CPNE3: variants seen among roughly 807,000 people sequenced by gnomAD.
CPNE3 encodes the protein copine 3.
A neutral mutation model predicts 63.9 loss-of-function variants in CPNE3; 68 were observed. That is an observed-to-expected ratio of 1.06 (90% CI 0.87 to 1.30). The LOEUF (loss-of-function observed/expected upper bound fraction) is 1.30. Among genes scored for constraint, CPNE3 ranks in the 50% most tolerant of loss-of-function variants. The pLI, the probability that CPNE3 is intolerant of heterozygous loss-of-function variation, is 0.00. For synonymous variants in CPNE3, 219 were observed against 197.5 expected (o/e 1.11, Z -0.91); for missense variants, 665 against 578.1 (o/e 1.15, Z -1.54).
chr8:86,555,033 C>T (rs767052599), intron 15 of CPNE3, 49 bp downstream of exon 15: 1 of 1,606,596 alleles, frequency 6.2e-7, no homozygotes, highest in East Asian at 2.2e-5. Flanking sequence ...TTGGTAGCAG[C>T]TCCTGGTGCC....
At chr8:86,535,141 C>T (rs563617383) in intron 6 of CPNE3, among the ~76,000 whole-genome samples, 1 of 152,102 alleles carries the variant, frequency 6.6e-6, no homozygotes, top group East Asian at 1.9e-4. Context: ...TTTAATAAGC[C>T]ATGTCCCAAG....
intron 12 of CPNE3, among the ~76,000 whole-genome samples, chr8:86,549,867 T>A (rs925114373): frequency 6.6e-6 from 1 of 152,172 alleles, no homozygotes; most frequent in African/African-American, 2.4e-5. Context: ...GGCAAATCAC[T>A]TCTACTCACA....
intron 12 of CPNE3, among the ~76,000 whole-genome samples, chr8:86,550,845 T>C (rs944197481): frequency 2.0e-5 from 3 of 152,186 alleles, no homozygotes; most frequent in Non-Finnish European, 2.9e-5. Flanking sequence ...AGAAACATTT[T>C]TCTTCCTCAG....
chr8:86,532,870 G>C (rs79109641), intron 6 of CPNE3, among the ~76,000 whole-genome samples: 2 of 151,934 alleles, frequency 1.3e-5, no homozygotes, highest in Non-Finnish European at 2.9e-5. Flanking sequence ...ATTATCTTTA[G>C]GAAAAAAGTG....
chr8:86,558,541 C>G lies in CPNE3; in HGVS notation c.*131C>G. On this transcript the variant is annotated 3_prime_UTR_variant, in exon 17 of 17. Coordinates refer to ENST00000517490, the MANE Select transcript of CPNE3 (RefSeq NM_003909.5). ...AAATCTCTTTCTCTATGGATTATAT[C>G]TGTTTAAAGCATTCTTTCTAGGTTA... 1.4e-6 allele frequency: 1 copy of G among 705,080 alleles called. No individual in the cohort carries two copies. The highest frequency in any genetic ancestry group is 1.8e-5 in the South Asian group (1 of 55,890). 43.7% of individuals were successfully genotyped at this position (705,080 alleles called of 1,614,324 possible). A position where few individuals can be genotyped will look rare whatever the true frequency, so the allele number is the denominator to read the frequency against.
chr8:86,529,529 A>G (rs1820623497), intron 4 of CPNE3, among the ~76,000 whole-genome samples: 1 of 152,044 alleles, frequency 6.6e-6, no homozygotes, highest in Non-Finnish European at 1.5e-5. Flanking sequence ...CATCCCCTTT[A>G]CCTGGCTTGC....
At chr8:86,544,529 C>A (rs1227817534) in intron 8 of CPNE3, among the ~76,000 whole-genome samples, 1 of 152,016 alleles carries the variant, frequency 6.6e-6, no homozygotes, top group Non-Finnish European at 1.5e-5. Context: ...TATCTTAGAT[C>A]CCCATCCCAA....
intron 7 of CPNE3, among the ~76,000 whole-genome samples, chr8:86,539,738 C>T (rs758522940): frequency 2.9e-4 from 43 of 148,642 alleles, no homozygotes; most frequent in Non-Finnish European, 5.8e-4. Context: ...TCTCCACTCA[C>T]GGCAACCTCC....
At chr8:86,531,308 TA>T in intron 5 of CPNE3, 79 bp downstream of exon 5, 2 of 766,714 alleles carry the variant, frequency 2.6e-6, no homozygotes, top group Non-Finnish European at 4.7e-6. Flanking sequence ...ATCAGAGAAA[TA>T]TTCTACAGCC....
At chr8:86,521,895 A>G (rs563902257) in intron 2 of CPNE3, among the ~76,000 whole-genome samples, 1 of 152,300 alleles carries the variant, frequency 6.6e-6, no homozygotes, top group Admixed American at 6.5e-5. Flanking sequence ...CCATGTAGTA[A>G]TCATTATCCT....
At position 86,556,528 on chromosome 8, in the gene CPNE3, A is replaced by C. The variant is rs78125544; in HGVS notation, c.1491+190A>C. Among the ~76,000 whole-genome samples, 355 of 152,360 alleles carry C rather than the reference A, an allele frequency of 2.3e-3. 2 individuals carry two copies. Among genetic ancestry groups the C allele is most frequent in the African/African-American group, 8.0e-3 (334 of 41,580 alleles). On this transcript the variant is annotated intron_variant, in intron 16 of 16. Transcript: ENST00000517490. ...GTTCATTATGTGCTTCTTGCAGGCT[A>C]TATGATAAATTGTTTTAAAATAGTA...
chr8:86,559,367 T>C lies in CPNE3; in HGVS notation c.*957T>C, dbSNP rs1821387736. On this transcript the variant is annotated 3_prime_UTR_variant, in exon 17 of 17. Transcript: ENST00000517490. The stretch of plus-strand genomic sequence containing the variant: ...AAAAACTGCTTACTAAAAAAAAATT[T>C]TATACTTTCCTTGCTAAGGTCCCAT... 6.6e-6 allele frequency: 1 copy of C among 152,186 alleles called. No individual in the cohort carries two copies. The highest frequency in any genetic ancestry group is 2.4e-5 in the African/African-American group (1 of 41,454). The allele number at this position is 152,186 out of a possible 1,614,324, so 9.4% of individuals were successfully genotyped here.
At position 86,546,599 on chromosome 8, in the gene CPNE3, A is replaced by G. The variant is rs1821056390; in HGVS notation, c.737A>G (p.Glu246Gly). ...TTTTGTCTTCTCTTCCTACAGGTTG[A>G]ATTTGAATGCATAAATGAGAAAAAA... is the stretch of plus-strand genomic sequence containing the variant. ...LKEASRSSPV[E>G]FECINEKKRQ... Residue 246 changes from glutamate to glycine, a missense_variant, in exon 10 of 17, where the codon GAA becomes GGA. Physicochemically the swap from Glu to Gly is moderately conservative, Grantham distance 98 (BLOSUM62 -2). Transcript: ENST00000517490. 1.2e-6 allele frequency: 2 copies of G among 1,613,054 alleles called. No homozygotes were observed. Among genetic ancestry groups the G allele is most frequent in the Non-Finnish European group, 1.7e-6 (2 of 1,179,686 alleles).
rs913571457 is a variant in CPNE3, at chr8:86,548,489, G to A, written c.1013+55G>A. The A allele has an allele frequency of 5.0e-6, 8 of 1,608,098 alleles. No homozygotes were observed. The African/African-American group carries it at 9.4e-5, about 19-fold the overall frequency. ...CATGTTTTCACAATTCCCCAGAAAG[G>A]GTAGTTTGTTTCATCGGCTAGCACT... On this transcript the variant is annotated intron_variant, in intron 12 of 16. Coordinates refer to ENST00000517490, the MANE Select transcript of CPNE3 (RefSeq NM_003909.5).
At chr8:86,554,126 G>C (rs963466704) in intron 14 of CPNE3, 21 of 152,364 alleles carry the variant, frequency 1.4e-4, no homozygotes, top group African/African-American at 5.1e-4. Context: ...GAGCAAGAGA[G>C]CTGGAAAAAA....
At chr8:86,550,570 T>C (rs1409076203) in intron 12 of CPNE3, among the ~76,000 whole-genome samples, 1 of 152,210 alleles carries the variant, frequency 6.6e-6, no homozygotes, top group Non-Finnish European at 1.5e-5. Context: ...TGATGTTATA[T>C]ATTCGGTCCA....
intron 8 of CPNE3, among the ~76,000 whole-genome samples, chr8:86,541,732 A>G (rs796776506): frequency 6.6e-6 from 1 of 150,882 alleles, no homozygotes; most frequent in African/African-American, 2.4e-5. Flanking sequence ...AAACTGCTTC[A>G]TTACTGAGAT....
chr8:86,543,615 C>T (rs1300486421), intron 8 of CPNE3, among the ~76,000 whole-genome samples: 1 of 152,028 alleles, frequency 6.6e-6, no homozygotes. Flanking sequence ...CTTAGCACAG[C>T]GTTACTTTAC....
intron 2 of CPNE3, chr8:86,521,479 A>G (rs892183189): frequency 6.6e-6 from 1 of 152,230 alleles, no homozygotes; most frequent in East Asian, 1.9e-4. Context: ...ACTTAAGGAA[A>G]TTAATAGAGA....
Sources: allele counts gnomAD v4.1 joint callset (sites outside exome capture counted in the v4.1 genomes callset), GRCh38; gene constraint gnomAD v4.1.1; transcripts MANE v1.5; gene names NCBI Gene and HGNC (gene_info 2026-07-23, HGNC 2026-07-21).